The following USP33 variants were observed in gnomAD, a reference collection of about 807,000 sequenced individuals.
USP33 encodes the protein ubiquitin carboxyl-terminal hydrolase 33.
In USP33, 46 loss-of-function variants were observed where a neutral mutation model predicts 124.2. That is an observed-to-expected ratio of 0.37 (90% CI 0.29 to 0.47). The LOEUF is 0.47. Among genes scored for constraint, USP33 ranks in the 20% least tolerant of loss-of-function variants. The probability of loss-of-function intolerance (pLI) is 0.99; values close to 1 mark genes in which losing one functional copy is unlikely to be tolerated. For synonymous variants in USP33, 350 were observed against 352.3 expected (o/e 0.99, Z 0.07); for missense variants, 851 against 1,070.6 (o/e 0.79, Z 2.86).
At chr1:77,745,701 C>A (rs1394891056) in intron 1 of USP33, 1 of 152,140 alleles carries the variant, frequency 6.6e-6, no homozygotes, top group Non-Finnish European at 1.5e-5. Flanking sequence ...ACAGTGCAAT[C>A]AAATTAGAAC....
In USP33 at chr1:77,742,273, G is replaced by A. The variant is rs140730502; in HGVS notation, c.-51-525C>T. Among the ~76,000 whole-genome samples the A allele has an allele frequency of 1.5e-3, 232 of 152,142 alleles. 2 individuals are homozygous for A. The highest frequency in any genetic ancestry group is 5.3e-3 in the African/African-American group (221 of 41,498). On this transcript the variant is annotated intron_variant, in intron 1 of 23. Coordinates refer to ENST00000370794, the MANE Select transcript of USP33 (RefSeq NM_201624.3). ...ACCAGGATAAGCACTTTATATCAGG[G>A]TTTCTCGATCCCGGCACTATTGACA... is the stretch of plus-strand genomic sequence containing the variant.
chr1:77,712,509 C>G (rs142262678), intron 20 of USP33, among the ~76,000 whole-genome samples: 1 of 152,032 alleles, frequency 6.6e-6, no homozygotes, highest in East Asian at 1.9e-4. Context: ...GGCGACAGAG[C>G]GAGACTCCAT....
intron 21 of USP33, among the ~76,000 whole-genome samples, chr1:77,709,715 A>C (rs1380799296): frequency 6.6e-6 from 1 of 151,636 alleles, no homozygotes; most frequent in Non-Finnish European, 1.5e-5. Context: ...TGGAGTAATC[A>C]ATAGATTGGA....
At chr1:77,712,117 A>G (rs1675330716) in intron 20 of USP33, among the ~76,000 whole-genome samples, 1 of 152,252 alleles carries the variant, frequency 6.6e-6, no homozygotes, top group Non-Finnish European at 1.5e-5. Context: ...AACTAAAAGA[A>G]GTGGTTTCAA....
At chr1:77,758,500 G>A (rs1348622785) in intron 1 of USP33, among the ~76,000 whole-genome samples, 1 of 152,084 alleles carries the variant, frequency 6.6e-6, no homozygotes, top group African/African-American at 2.4e-5. Flanking sequence ...TCCTGCCAAA[G>A]TAATGAAATA....
chr1:77,736,067 A>T lies in USP33; in HGVS notation c.443T>A (p.Leu148His). ...CAGGATTAATTTACCTCTGGCCCTA[A>T]GTTCATCTTCTTCATCCGCTTCTAT... The part of the protein sequence containing the change: ...LDIEADEEDE[L>H]RARGLTGLKN... The change falls in exon 6 of 24, where the codon CTT becomes CAT. Residue 148 changes from leucine (L) to histidine (H), a missense_variant. Leu to His is a moderately conservative substitution (Grantham distance 99). Transcript: ENST00000370794. The T allele has an allele frequency of 6.2e-7, 1 of 1,610,180 alleles. No homozygotes were observed. Among genetic ancestry groups the T allele is most frequent in the Non-Finnish European group, 8.5e-7 (1 of 1,177,814 alleles).
chr1:77,698,505 T>G (rs796642179), intron 22 of USP33, among the ~76,000 whole-genome samples: 22 of 149,148 alleles, frequency 1.5e-4, no homozygotes, highest in South Asian at 4.2e-4. Flanking sequence ...GTTTTGTTTT[T>G]TTTTTTTTTT....
At chr1:77,699,185 T>C (rs1230489134) in intron 22 of USP33, among the ~76,000 whole-genome samples, 1 of 151,956 alleles carries the variant, frequency 6.6e-6, no homozygotes, top group Non-Finnish European at 1.5e-5. Context: ...AAAACCACAA[T>C]GAGATACCAT....
chr1:77,697,224 G>C lies in USP33; in HGVS notation c.*93C>G, dbSNP rs1330565613. ...GGGATAAATGATGAAAAAAAATAAA[G>C]CAAATAAACACGCTTTTAGGAATGT... On this transcript the variant is annotated 3_prime_UTR_variant, in exon 24 of 24. Coordinates refer to ENST00000370794, the MANE Select transcript of USP33 (RefSeq NM_201624.3). 2.5e-6 allele frequency: 3 copies of C among 1,201,758 alleles called. No homozygotes were observed. The highest frequency in any genetic ancestry group is 3.4e-6 in the Non-Finnish European group (3 of 882,960). 74.4% of individuals were successfully genotyped at this position (1,201,758 alleles called of 1,614,324 possible).
intron 5 of USP33, among the ~76,000 whole-genome samples, chr1:77,736,770 C>A (rs1678505258): frequency 6.6e-6 from 1 of 152,014 alleles, no homozygotes; most frequent in Admixed American, 6.6e-5. Context: ...CCACAACGCC[C>A]AGCTAATTTT....
chr1:77,734,223 GTCCCAAACCAGA>G, intron 7 of USP33, 112 bp downstream of exon 7: 1 of 734,214 alleles, frequency 1.4e-6, no homozygotes, highest in South Asian at 1.7e-5. Flanking sequence ...AATGGGTTAT[GTCCCAAACCAGA>G]TTCTTGCCTG....
intron 21 of USP33, among the ~76,000 whole-genome samples, chr1:77,707,145 C>T (rs1674720973): frequency 6.6e-6 from 1 of 152,192 alleles, no homozygotes; most frequent in Admixed American, 6.5e-5. Context: ...ATTATACCCA[C>T]TGTGTTAGTT....
At chr1:77,697,513 T>C (rs1221125582) in intron 23 of USP33, 39 bp from the exon 24 acceptor site, 6 of 1,554,200 alleles carry the variant, frequency 3.9e-6, no homozygotes, top group Non-Finnish European at 5.2e-6. Flanking sequence ...TACAAACCTA[T>C]ATATTCATAT....
intron 10 of USP33, among the ~76,000 whole-genome samples, chr1:77,727,645 TTTACA>T (rs1478415947): frequency 1.3e-5 from 2 of 152,248 alleles, no homozygotes; most frequent in Admixed American, 6.5e-5. Flanking sequence ...AATAAACTTT[TTTACA>T]TTACATGTCT....
chr1:77,733,097 T>C (rs1678027617), intron 7 of USP33, among the ~76,000 whole-genome samples: 1 of 151,754 alleles, frequency 6.6e-6, no homozygotes, highest in Admixed American at 6.6e-5. Flanking sequence ...CTGGCCTAAA[T>C]GTCTCTTCTT....
chr1:77,697,537 A>G, intron 23 of USP33, 63 bp from the exon 24 acceptor site: 3 of 1,507,070 alleles, frequency 2.0e-6, no homozygotes, highest in East Asian at 4.6e-5. Flanking sequence ...AAAAGCGTTC[A>G]TAATGTACCC....
chr1:77,713,299 C>G lies in USP33; in HGVS notation c.2216-18G>C, dbSNP rs1455305292. 1.3e-6 allele frequency: 2 copies of G among 1,559,140 alleles called. No homozygotes were observed. Among genetic ancestry groups the G allele is most frequent in the African/African-American group, 2.8e-5 (2 of 70,448 alleles). On this transcript the variant is annotated intron_variant, in intron 19 of 23. Coordinates refer to ENST00000370794, the MANE Select transcript of USP33 (RefSeq NM_201624.3). ...AGGAACACCTAAAAAAATATATAAA[C>G]ATATCTGTTTCATGCTTTTAATTAT...
At chr1:77,733,380 G>A (rs1345808586) in intron 7 of USP33, among the ~76,000 whole-genome samples, 8 of 149,386 alleles carry the variant, frequency 5.4e-5, no homozygotes, top group Non-Finnish European at 1.0e-4. Flanking sequence ...GCAACAGAGT[G>A]AGACCCAGCC....
intron 1 of USP33, among the ~76,000 whole-genome samples, chr1:77,756,942 A>G (rs1390494653): frequency 1.3e-5 from 2 of 152,224 alleles, no homozygotes; most frequent in African/African-American, 2.4e-5. Flanking sequence ...TGGATCACAT[A>G]CCTCTTCTGA....
Sources: allele counts gnomAD v4.1 joint callset (sites outside exome capture counted in the v4.1 genomes callset), GRCh38; gene constraint gnomAD v4.1.1; transcripts MANE v1.5; gene names NCBI Gene and HGNC (gene_info 2026-07-23, HGNC 2026-07-21).